RAD51B: variants seen among roughly 807,000 people sequenced by gnomAD.
The protein encoded by RAD51B is RAD51 paralog B.
Under a neutral mutation model 42.2 loss-of-function variants are expected in RAD51B, and 38 were observed. That is an observed-to-expected ratio of 0.90 (90% CI 0.70 to 1.18). The LOEUF (loss-of-function observed/expected upper bound fraction) is 1.18, where lower values mean the gene tolerates loss of function less well. Among genes scored for constraint, RAD51B ranks in the 50% most tolerant of loss-of-function variants. The pLI is 0.00. For missense variants in RAD51B, 373 were observed against 400.7 expected (o/e 0.93, Z 0.59); for synonymous variants, 154 against 145.2 (o/e 1.06, Z -0.43).
chr14:67,911,108 G>A (rs1428741938), intron 7 of RAD51B, among the ~76,000 whole-genome samples: 5 of 152,128 alleles, frequency 3.3e-5, no homozygotes, highest in Admixed American at 6.6e-5. Context: ...GTGAGCCACC[G>A]TGCCCAGCCC....
chr14:68,306,297 C>T (rs575579592), intron 8 of RAD51B, among the ~76,000 whole-genome samples: 1 of 152,272 alleles, frequency 6.6e-6, no homozygotes, highest in Admixed American at 6.5e-5. Flanking sequence ...GTCCTGTAAC[C>T]AACTTGCACT....
At chr14:68,600,470 C>T (rs1316931378), downstream of RAD51B, among the ~76,000 whole-genome samples, 1 of 152,156 alleles carries the variant, frequency 6.6e-6, no homozygotes, top group Non-Finnish European at 1.5e-5. Context: ...CCTCATTATC[C>T]AACAGGCTGG....
intron 7 of RAD51B, among the ~76,000 whole-genome samples, chr14:68,156,455 T>TTCTCTCTC (rs10650896): frequency 0.074 from 8,495 of 114,172 alleles, 603 homozygotes; most frequent in African/African-American, 0.11. Context: ...CTTAGAAAAT[T>TTCTCTCTC]TCTCTCTCTC....
At chr14:68,112,563 C>T (rs2077476190) in intron 7 of RAD51B, among the ~76,000 whole-genome samples, 4 of 152,000 alleles carry the variant, frequency 2.6e-5, no homozygotes, top group Admixed American at 2.6e-4. Context: ...ATATTGTGAG[C>T]CTCAGCTGTA....
intron 5 of RAD51B, among the ~76,000 whole-genome samples, chr14:67,877,674 T>TA (rs2042770017): frequency 6.6e-6 from 1 of 152,190 alleles, no homozygotes. Flanking sequence ...ATTTATAATT[T>TA]AAAAAAATTT....
At chr14:68,078,815 C>T (rs2076872559) in intron 7 of RAD51B, among the ~76,000 whole-genome samples, 1 of 152,000 alleles carries the variant, frequency 6.6e-6, no homozygotes. Flanking sequence ...AAGAGGGAGC[C>T]CCTGTCTCTA....
intron 10 of RAD51B, among the ~76,000 whole-genome samples, chr14:68,532,673 CT>C (rs1887385097): frequency 6.6e-6 from 1 of 152,082 alleles, no homozygotes; most frequent in African/African-American, 2.4e-5. Flanking sequence ...ACAGCTAACC[CT>C]TATGTTACAC....
intron 9 of RAD51B, among the ~76,000 whole-genome samples, chr14:68,467,752 A>T (rs2086020771): frequency 6.6e-6 from 1 of 152,280 alleles, no homozygotes; most frequent in African/African-American, 2.4e-5. Flanking sequence ...GCCTTTCGCA[A>T]GTTATTTTGA....
In RAD51B at chr14:67,860,005, A is replaced by T. The variant is rs548361225; in HGVS notation, c.316-4998A>T. Among the ~76,000 whole-genome samples the T allele has an allele frequency of 2.6e-5, 4 of 152,254 alleles. No homozygotes were observed. The East Asian group carries it at 7.7e-4, about 29-fold the overall frequency. ...CTGGCTAATTTTTTGTATTTTTAGT[A>T]GAGACGAGGTTTCTCCATGTTGGTC... On this transcript the variant is annotated intron_variant, in intron 4 of 10. Transcript: ENST00000471583.
intron 8 of RAD51B, among the ~76,000 whole-genome samples, chr14:68,399,836 G>A (rs1325362596): frequency 6.6e-6 from 1 of 152,122 alleles, no homozygotes; most frequent in Non-Finnish European, 1.5e-5. Flanking sequence ...AACTTTGCCA[G>A]GTGTCCCAAT....
At chr14:68,157,213 A>G (rs1300454352) in intron 7 of RAD51B, among the ~76,000 whole-genome samples, 1 of 152,150 alleles carries the variant, frequency 6.6e-6, no homozygotes, top group Non-Finnish European at 1.5e-5. Context: ...AAAATAAGCA[A>G]AAGGGACTTA....
chr14:67,823,760 C>A, intron 2 of RAD51B, 133 bp downstream of exon 2: 3 of 649,216 alleles, frequency 4.6e-6, no homozygotes, highest in Non-Finnish European at 7.4e-6. Flanking sequence ...TTTCCATAGG[C>A]TAATTGTAAA....
chr14:67,965,487 AATC>A (rs926479310), intron 7 of RAD51B, among the ~76,000 whole-genome samples: 1 of 152,020 alleles, frequency 6.6e-6, no homozygotes, highest in Non-Finnish European at 1.5e-5. Flanking sequence ...AGACAGTTCT[AATC>A]ATATCACTCT....
intron 7 of RAD51B, among the ~76,000 whole-genome samples, chr14:68,020,200 C>A (rs2075841368): frequency 6.6e-6 from 1 of 152,146 alleles, no homozygotes; most frequent in South Asian, 2.1e-4. Context: ...ACCTCTGTCT[C>A]CTGGGCTCAA....
intron 8 of RAD51B, among the ~76,000 whole-genome samples, chr14:68,349,452 C>T (rs368791125): frequency 1.2e-4 from 18 of 152,198 alleles, no homozygotes; most frequent in African/African-American, 2.4e-4. Context: ...CTGCAACCTC[C>T]GCCTCCCAGG....
intron 10 of RAD51B, among the ~76,000 whole-genome samples, chr14:68,570,873 CCACACACACACA>C (rs9323516): frequency 6.7e-6 from 1 of 150,242 alleles, no homozygotes; most frequent in South Asian, 2.1e-4. Flanking sequence ...GGCTGGAGCG[CCACACACACACA>C]CACACACACA....
At chr14:68,537,424 A>G (rs994833551) in intron 10 of RAD51B, among the ~76,000 whole-genome samples, 1 of 151,446 alleles carries the variant, frequency 6.6e-6, no homozygotes, top group Non-Finnish European at 1.5e-5. Context: ...GCATGAACCC[A>G]GGAGGTGGAG....
At chr14:67,948,818 T>G (rs970488117) in intron 7 of RAD51B, among the ~76,000 whole-genome samples, 4 of 149,436 alleles carry the variant, frequency 2.7e-5, no homozygotes, top group South Asian at 2.1e-4. Context: ...TGTAGTCCCA[T>G]CTACTTGGGA....
intron 7 of RAD51B, among the ~76,000 whole-genome samples, chr14:68,019,359 G>A (rs1252953333): frequency 2.0e-5 from 3 of 152,058 alleles, no homozygotes; most frequent in Non-Finnish European, 2.9e-5. Context: ...CTCTGGATTT[G>A]GTCACCTTTG....
Sources: allele counts gnomAD v4.1 joint callset (sites outside exome capture counted in the v4.1 genomes callset), GRCh38; gene constraint gnomAD v4.1.1; transcripts MANE v1.5; gene names NCBI Gene and HGNC (gene_info 2026-07-23, HGNC 2026-07-21).